The following KIAA0825 variants were observed in gnomAD, a reference collection of about 807,000 sequenced individuals.
KIAA0825 encodes the protein KIAA0825.
In KIAA0825, 119 loss-of-function variants were observed where a neutral mutation model predicts 147.6. The observed-to-expected ratio is 0.81, with a 90% CI of 0.69 to 0.94. The LOEUF is 0.94. Among genes scored for constraint, KIAA0825 ranks in the 40% least tolerant of loss-of-function variants. The pLI is 0.00. For missense variants in KIAA0825, 1,381 were observed against 1,472.7 expected (o/e 0.94, Z 1.02); for synonymous variants, 470 against 518.1 (o/e 0.91, Z 1.26).
chr5:94,287,480 A>G (rs908275045), intron 20 of KIAA0825, among the ~76,000 whole-genome samples: 1 of 152,204 alleles, frequency 6.6e-6, no homozygotes, highest in Non-Finnish European at 1.5e-5. Flanking sequence ...TGTTTCAAAA[A>G]CAAGTATAAT....
chr5:94,565,095 C>CTTTTTTTTTTTTT (rs1176429699), intron 2 of KIAA0825, among the ~76,000 whole-genome samples: 15 of 52,932 alleles, frequency 2.8e-4, no homozygotes, highest in African/African-American at 3.9e-4. Flanking sequence ...TCTTGCTTTC[C>CTTTTTTTTTTTTT]TTTTTTTTTT....
At chr5:94,489,627 T>C (rs1047446885) in intron 5 of KIAA0825, among the ~76,000 whole-genome samples, 1 of 149,406 alleles carries the variant, frequency 6.7e-6, no homozygotes, top group Non-Finnish European at 1.5e-5. Context: ...GGCTCACACC[T>C]GTAATCCCAG....
chr5:94,182,041 A>T (rs545676088), intron 20 of KIAA0825, among the ~76,000 whole-genome samples: 134 of 152,054 alleles, frequency 8.8e-4, no homozygotes, highest in African/African-American at 3.1e-3. Context: ...CCTTATCAAC[A>T]TATACAAACC....
intron 20 of KIAA0825, among the ~76,000 whole-genome samples, chr5:94,233,483 G>GGATCCT (rs1427306872): frequency 6.6e-6 from 1 of 152,056 alleles, no homozygotes; most frequent in African/African-American, 2.4e-5. Flanking sequence ...GACACTTCAA[G>GGATCCT]GATCCTTAAT....
At chr5:94,271,762 C>CA (rs939173692) in intron 20 of KIAA0825, among the ~76,000 whole-genome samples, 5 of 151,928 alleles carry the variant, frequency 3.3e-5, no homozygotes, top group Non-Finnish European at 7.4e-5. Flanking sequence ...CAAAAACAAA[C>CA]AAAAAAACCT....
chr5:94,482,496 T>C (rs908365521), intron 6 of KIAA0825, among the ~76,000 whole-genome samples: 3 of 152,060 alleles, frequency 2.0e-5, no homozygotes, highest in Non-Finnish European at 2.9e-5. Context: ...CGCTATTCTC[T>C]TCCTCACCAG....
At chr5:94,293,942 TTTTG>T (rs1299900925) in intron 20 of KIAA0825, among the ~76,000 whole-genome samples, 5 of 152,168 alleles carry the variant, frequency 3.3e-5, no homozygotes, top group African/African-American at 7.2e-5. Flanking sequence ...AACCCCTGTT[TTTTG>T]TTTGTTTTTG....
At chr5:94,419,150 C>T (rs2150723710) in intron 14 of KIAA0825, among the ~76,000 whole-genome samples, 1 of 152,240 alleles carries the variant, frequency 6.6e-6, no homozygotes, top group South Asian at 2.1e-4. Context: ...ACTGCAATTA[C>T]AGGCCTGAGT....
chr5:94,446,694 T>C (rs1388204193), intron 13 of KIAA0825, among the ~76,000 whole-genome samples: 2 of 152,196 alleles, frequency 1.3e-5, no homozygotes, highest in Non-Finnish European at 2.9e-5. Flanking sequence ...TTGTAGCCTA[T>C]GCTAGTTTTT....
intron 20 of KIAA0825, among the ~76,000 whole-genome samples, chr5:94,236,822 C>T (rs1032072508): frequency 6.6e-6 from 1 of 152,152 alleles, no homozygotes; most frequent in Non-Finnish European, 1.5e-5. Context: ...CCCAGATGCT[C>T]CTTAGTATTT....
intron 20 of KIAA0825, among the ~76,000 whole-genome samples, chr5:94,364,188 G>A (rs942985924): frequency 7.2e-5 from 11 of 151,866 alleles, no homozygotes; most frequent in Middle Eastern, 3.2e-3. Context: ...TAAATGCCCC[G>A]AGAATTGGGA....
intron 16 of KIAA0825, among the ~76,000 whole-genome samples, chr5:94,403,024 G>A (rs1479905613): frequency 6.6e-6 from 1 of 151,964 alleles, no homozygotes; most frequent in Admixed American, 6.6e-5. Flanking sequence ...GTTCTGAATA[G>A]GAACAATGCA....
chr5:94,548,306 G>C lies in KIAA0825; in HGVS notation c.-1-11179C>G, dbSNP rs572365776. On this transcript the variant is annotated intron_variant, in intron 2 of 20. Transcript: ENST00000682413. ...GTTTTTACTAGTTTTCTTTTTGCTT[G>C]CTTATTTATGCAATCAGTGTTTAGT... Among the ~76,000 whole-genome samples the C allele has an allele frequency of 2.6e-5, 4 of 152,210 alleles. No homozygotes were observed. The South Asian group carries it at 6.2e-4, about 24-fold the overall frequency.
chr5:94,576,052 T>G (rs1376122513), intron 2 of KIAA0825, among the ~76,000 whole-genome samples: 1 of 152,040 alleles, frequency 6.6e-6, no homozygotes, highest in Non-Finnish European at 1.5e-5. Context: ...GCCGTACAAG[T>G]GGAAATGTTC....
intron 8 of KIAA0825, among the ~76,000 whole-genome samples, chr5:94,472,300 C>G (rs1473725527): frequency 1.3e-5 from 2 of 152,112 alleles, no homozygotes; most frequent in Non-Finnish European, 2.9e-5. Context: ...TATGTATCTT[C>G]TCTTCCTTAA....
At chr5:94,475,899 TG>T (rs1393415551) in intron 7 of KIAA0825, among the ~76,000 whole-genome samples, 1 of 152,188 alleles carries the variant, frequency 6.6e-6, no homozygotes, top group African/African-American at 2.4e-5. Context: ...AAATATAGTT[TG>T]CTTACTTCTA....
At chr5:94,345,822 G>A (rs79029460) in intron 20 of KIAA0825, among the ~76,000 whole-genome samples, 1 of 151,976 alleles carries the variant, frequency 6.6e-6, no homozygotes, top group African/African-American at 2.4e-5. Context: ...TCCAAAAACC[G>A]AGCTCTCCGA....
At chr5:94,346,681 T>C (rs1783033612) in intron 20 of KIAA0825, among the ~76,000 whole-genome samples, 1 of 152,020 alleles carries the variant, frequency 6.6e-6, no homozygotes, top group Non-Finnish European at 1.5e-5. Flanking sequence ...GCTTGTTGGG[T>C]CCCCTAGCGG....
chr5:94,181,204 C>T (rs1200283939), intron 20 of KIAA0825, among the ~76,000 whole-genome samples: 1 of 152,142 alleles, frequency 6.6e-6, no homozygotes, highest in African/African-American at 2.4e-5. Context: ...TAAGGAAGAG[C>T]ATTTGCATTG....
Sources: gnomAD v4.1 joint callset for allele counts (sites outside exome capture counted in the v4.1 genomes callset) on GRCh38, gnomAD v4.1.1 for gene constraint, MANE v1.5 for transcripts, NCBI Gene and HGNC (gene_info 2026-07-23, HGNC 2026-07-21) for gene names.